SAMD12: variants seen among roughly 807,000 people sequenced by gnomAD.
SAMD12 encodes sterile alpha motif domain-containing protein 12.
SAMD12 carries 9 observed loss-of-function variants against 15.0 expected under a neutral mutation model. The ratio of observed to expected loss-of-function variants is 0.60; its 90% CI spans 0.36 to 1.05. The LOEUF (loss-of-function observed/expected upper bound fraction) is 1.05. Ranked by LOEUF, SAMD12 falls within the 50% of genes least tolerant of loss-of-function variation. The pLI, the probability that SAMD12 is intolerant of heterozygous loss-of-function variation, is 0.01. For missense variants in SAMD12, 230 were observed against 234.2 expected (o/e 0.98, Z 0.12); for synonymous variants, 86 against 90.1 (o/e 0.96, Z 0.25).
At chr8:118,242,637 G>C (rs1167047767) in intron 4 of SAMD12, among the ~76,000 whole-genome samples, 2 of 151,770 alleles carry the variant, frequency 1.3e-5, no homozygotes, top group Non-Finnish European at 2.9e-5. Flanking sequence ...TCCACTGGGG[G>C]GTCTTGGAAC....
intron 4 of SAMD12, among the ~76,000 whole-genome samples, chr8:118,208,407 G>A (rs1819928017): frequency 1.3e-5 from 2 of 152,224 alleles, no homozygotes; most frequent in Non-Finnish European, 1.5e-5. Context: ...CATCACCTGG[G>A]TATCTTGTTA....
chr8:118,401,612 C>T (rs929284865), intron 3 of SAMD12, among the ~76,000 whole-genome samples: 43 of 150,454 alleles, frequency 2.9e-4, no homozygotes, highest in African/African-American at 9.8e-4. Flanking sequence ...TGGCCTCATG[C>T]GATCCTCTCA....
intron 3 of SAMD12, among the ~76,000 whole-genome samples, chr8:118,409,075 C>G (rs1821272947): frequency 6.6e-6 from 1 of 151,768 alleles, no homozygotes; most frequent in African/African-American, 2.4e-5. Flanking sequence ...AGAAAAAATT[C>G]AATTATTTAT....
intron 1 of SAMD12, among the ~76,000 whole-genome samples, chr8:118,585,165 G>C (rs1260026758): frequency 6.6e-6 from 1 of 152,162 alleles, no homozygotes; most frequent in Non-Finnish European, 1.5e-5. Flanking sequence ...GAACCTTGAA[G>C]ACATTATGCT....
chr8:118,180,182 T>C, the SAMD12 span, among the ~76,000 whole-genome samples: 1 of 152,186 alleles, frequency 6.6e-6, no homozygotes, highest in Non-Finnish European at 1.5e-5. Flanking sequence ...TCCTTTATCT[T>C]TTCTCCTAGG....
chr8:118,550,346 A>C (rs1025423669), intron 2 of SAMD12, among the ~76,000 whole-genome samples: 11 of 152,388 alleles, frequency 7.2e-5, no homozygotes, highest in Middle Eastern at 3.4e-3. Context: ...GAAACCCTAC[A>C]AGCCAAAAGA....
intron 4 of SAMD12, among the ~76,000 whole-genome samples, chr8:118,237,986 A>G (rs548869858): frequency 5.9e-5 from 9 of 152,268 alleles, no homozygotes; most frequent in Admixed American, 3.9e-4. Context: ...TGAGCTGCCT[A>G]CATTTGTGAT....
intron 3 of SAMD12, among the ~76,000 whole-genome samples, chr8:118,427,175 T>C (rs1822257771): frequency 6.6e-6 from 1 of 152,226 alleles, no homozygotes; most frequent in African/African-American, 2.4e-5. Context: ...ATCTATATCA[T>C]GGATAAATAT....
chr8:118,152,458 A>ACCTTCCTTCCTTCCTTCCTT, the SAMD12 span, among the ~76,000 whole-genome samples: 214 of 114,304 alleles, frequency 1.9e-3, no homozygotes, highest in South Asian at 5.8e-3. Context: ...CTCCCTCCCT[A>ACCTTCCTTCCTTCCTTCCTT]CCTTCCTTCC....
intron 2 of SAMD12, among the ~76,000 whole-genome samples, chr8:118,497,481 C>T (rs1053615940): frequency 2.0e-5 from 3 of 152,108 alleles, no homozygotes; most frequent in Non-Finnish European, 4.4e-5. Flanking sequence ...AAACCAAATG[C>T]CTCATGTTCT....
intron 1 of SAMD12, among the ~76,000 whole-genome samples, chr8:118,603,657 C>G (rs149108798): frequency 6.6e-6 from 1 of 152,298 alleles, no homozygotes; most frequent in East Asian, 1.9e-4. Flanking sequence ...AAAGAACACT[C>G]AGGATCCTAG....
At chr8:118,400,669 T>C (rs1820826543) in intron 3 of SAMD12, 1 of 152,230 alleles carries the variant, frequency 6.6e-6, no homozygotes, top group East Asian at 1.9e-4. Flanking sequence ...ACTGAAATGT[T>C]TTCCTTTGCA....
chr8:118,573,326 T>A (rs1827069110), intron 2 of SAMD12, among the ~76,000 whole-genome samples: 1 of 152,186 alleles, frequency 6.6e-6, no homozygotes. Context: ...CCTCAAGTGA[T>A]CTACCCATCT....
chr8:118,184,416 A>C, the SAMD12 span, among the ~76,000 whole-genome samples: 1 of 152,006 alleles, frequency 6.6e-6, no homozygotes, highest in Non-Finnish European at 1.5e-5. Context: ...ACATGTGCAC[A>C]CAAACACAAA....
chr8:118,469,562 T>TATTATATATAATATATAA, intron 2 of SAMD12, among the ~76,000 whole-genome samples: 1 of 65,800 alleles, frequency 1.5e-5, no homozygotes, highest in African/African-American at 6.6e-5. Context: ...ATATAATATA[T>TATTATATATAATATATAA]TATATATGTA....
chr8:118,164,400 T>C, the SAMD12 span, among the ~76,000 whole-genome samples: 1 of 152,122 alleles, frequency 6.6e-6, no homozygotes, highest in Admixed American at 6.6e-5. Flanking sequence ...CCTCAAGCAA[T>C]AAAATGGTGT....
rs973276171 is a variant in SAMD12 at position 118,580,980 on chromosome 8, G to GA, written c.14-88dup. ...GAAAATATTCATCAAGCCTAAGTAG[G>GA]AAAAAAACGAGGCATCTATGAGTCG... On this transcript the variant is annotated intron_variant, in intron 1 of 3. Transcript: ENST00000314727. The GA allele has an allele frequency of 2.9e-5, 30 of 1,029,072 alleles. No individual in the cohort carries two copies. The African/African-American group carries it at 3.3e-4, about 11-fold the overall frequency. 63.7% of individuals were successfully genotyped at this position (1,029,072 alleles called of 1,614,324 possible).
At chr8:118,290,996 T>A (rs1303393803) in intron 4 of SAMD12, among the ~76,000 whole-genome samples, 2 of 152,216 alleles carry the variant, frequency 1.3e-5, no homozygotes, top group African/African-American at 4.8e-5. Flanking sequence ...GCTGGCCTGC[T>A]CCTCGCTTCA....
chr8:118,271,818 C>A (rs1317284291), intron 4 of SAMD12, among the ~76,000 whole-genome samples: 1 of 152,212 alleles, frequency 6.6e-6, no homozygotes, highest in Non-Finnish European at 1.5e-5. Context: ...CCCACTGATG[C>A]AAGACACTGA....
Sources: gnomAD v4.1 joint callset for allele counts (sites outside exome capture counted in the v4.1 genomes callset) on GRCh38, gnomAD v4.1.1 for gene constraint, MANE v1.5 for transcripts, NCBI Gene and HGNC (gene_info 2026-07-23, HGNC 2026-07-21) for gene names.